Variants in CNGA3 observed in about 807,000 individuals in gnomAD.
The protein encoded by CNGA3 is cyclic nucleotide gated channel subunit alpha 3.
CNGA3 carries 42 observed loss-of-function variants against 46.6 expected under a neutral mutation model. The ratio of observed to expected loss-of-function variants is 0.90; its 90% CI spans 0.70 to 1.17. The LOEUF (loss-of-function observed/expected upper bound fraction) is 1.17, where lower values mean the gene tolerates loss of function less well. Ranked by LOEUF, CNGA3 falls within the 50% of genes most tolerant of loss-of-function variation. The probability of loss-of-function intolerance (pLI) is 0.00; values close to 1 mark genes in which losing one functional copy is unlikely to be tolerated. For missense variants in CNGA3, 893 were observed against 890.7 expected (o/e 1.00, Z -0.03); for synonymous variants, 394 against 369.4 (o/e 1.07, Z -0.76).
intron 1 of CNGA3, among the ~76,000 whole-genome samples, chr2:98,353,843 G>C (rs959165183): frequency 1.3e-5 from 2 of 152,188 alleles, no homozygotes; most frequent in Non-Finnish European, 2.9e-5. Flanking sequence ...CTGAGGGGGA[G>C]CATGCACATC....
At chr2:98,379,536 A>C (rs2104203599) in intron 3 of CNGA3, among the ~76,000 whole-genome samples, 1 of 152,248 alleles carries the variant, frequency 6.6e-6, no homozygotes, top group South Asian at 2.1e-4. Context: ...GTTGGAGCTC[A>C]CGGCAAGCTC....
intron 1 of CNGA3, among the ~76,000 whole-genome samples, chr2:98,348,854 GGCC>G (rs1691706112): frequency 6.6e-6 from 1 of 152,216 alleles, no homozygotes; most frequent in Non-Finnish European, 1.5e-5. Flanking sequence ...CCTACCAGGT[GGCC>G]TGCATTCCGG....
At chr2:98,365,303 A>C in intron 1 of CNGA3, among the ~76,000 whole-genome samples, 1 of 152,204 alleles carries the variant, frequency 6.6e-6, no homozygotes, top group East Asian at 1.9e-4. Context: ...TTAGCTGGGC[A>C]TGGTGGCATA....
At chr2:98,356,594 G>T (rs1691884899) in intron 1 of CNGA3, among the ~76,000 whole-genome samples, 1 of 152,190 alleles carries the variant, frequency 6.6e-6, no homozygotes, top group Non-Finnish European at 1.5e-5. Flanking sequence ...TGGACTTACA[G>T]TGCATCCATA....
rs143151855 is a variant in CNGA3 at position 98,396,748 on chromosome 2, G to C, written c.1578G>C (p.Lys526Asn). The change falls in exon 8 of 8, where the codon AAG becomes AAC. Residue 526 changes from lysine to asparagine, a missense_variant. Physicochemically the swap from Lys to Asn is moderately conservative, Grantham distance 94 (BLOSUM62 0). This residue lies in a region of CNGA3 where 548 missense variants were observed against 570.8 expected (regional missense o/e 0.96). Coordinates refer to ENST00000272602, the MANE Select transcript of CNGA3 (RefSeq NM_001298.3). The stretch of plus-strand genomic sequence containing the variant: ...AGATGTACATCATCAACGAGGGCAA[G>C]CTGGCCGTGGTGGCTGATGATGGGG... Reference protein sequence around the residue: ...GKEMYIINEGKLAVVADDGVT... With the variant: ...GKEMYIINEGNLAVVADDGVT... 8 of 1,614,100 alleles carry C rather than the reference G, an allele frequency of 5.0e-6. No individual in the cohort carries two copies. In the African/African-American group the frequency reaches 1.1e-4, roughly 22 times the overall value.
chr2:98,373,317 C>T (rs904893344), intron 2 of CNGA3, among the ~76,000 whole-genome samples: 4 of 152,228 alleles, frequency 2.6e-5, no homozygotes, highest in Non-Finnish European at 4.4e-5. Context: ...CAAGTCACAC[C>T]TCTTTGTCTT....
At chr2:98,380,438 T>C (rs1692512781) in intron 4 of CNGA3, 84 bp downstream of exon 4, 12 of 1,516,356 alleles carry the variant, frequency 7.9e-6, no homozygotes, top group African/African-American at 1.4e-5. Context: ...CCTGTTTGGA[T>C]GCAGCACAGG....
intron 7 of CNGA3, among the ~76,000 whole-genome samples, chr2:98,394,048 T>A (rs1692854639): frequency 6.6e-6 from 1 of 151,606 alleles, no homozygotes. Context: ...TAGCATCACC[T>A]GGAACTTGCT....
At chr2:98,349,136 C>T (rs1016609709) in intron 1 of CNGA3, among the ~76,000 whole-genome samples, 1 of 152,008 alleles carries the variant, frequency 6.6e-6, no homozygotes, top group African/African-American at 2.4e-5. Flanking sequence ...TTGGGGAGTC[C>T]TGCATCATGG....
chr2:98,365,858 G>A (rs1468696540), intron 1 of CNGA3, among the ~76,000 whole-genome samples: 1 of 152,162 alleles, frequency 6.6e-6, no homozygotes, highest in Non-Finnish European at 1.5e-5. Context: ...CTTTAGCTCA[G>A]CAAAGTTTGT....
intron 1 of CNGA3, among the ~76,000 whole-genome samples, chr2:98,357,655 G>T (rs1691915780): frequency 6.6e-6 from 1 of 152,168 alleles, no homozygotes; most frequent in Admixed American, 6.5e-5. Flanking sequence ...TAAGGGGGCT[G>T]GTGGCAGGGG....
At chr2:98,354,864 C>T (rs767587656) in intron 1 of CNGA3, among the ~76,000 whole-genome samples, 5 of 152,172 alleles carry the variant, frequency 3.3e-5, no homozygotes, top group Non-Finnish European at 7.4e-5. Context: ...CTTTGATACA[C>T]AAAGGCATTT....
intron 3 of CNGA3, 59 bp downstream of exon 3, chr2:98,377,859 T>A: frequency 6.7e-7 from 1 of 1,488,926 alleles, no homozygotes; most frequent in Non-Finnish European, 9.2e-7. Flanking sequence ...AGAAAGAAGG[T>A]AGTGACCTCT....
intron 1 of CNGA3, among the ~76,000 whole-genome samples, chr2:98,365,700 G>A (rs1016112628): frequency 1.3e-5 from 2 of 151,836 alleles, no homozygotes; most frequent in African/African-American, 4.8e-5. Flanking sequence ...GGTCTATTTG[G>A]CCATTGATAC....
At position 98,397,121 on chromosome 2, in the gene CNGA3, T is replaced by A. The variant is rs1692940288; in HGVS notation, c.1951T>A (p.Tyr651Asn). ...CAGGTTTGCACGCCTCCTGGCTGAG[T>A]ACAACGCCACCCAGATGAAGATGAA... ...QTRFARLLAE[Y>N]NATQMKMKQR... The change falls in exon 8 of 8, where the codon TAC becomes AAC. Residue 651 changes from tyrosine to asparagine, a missense_variant. By Grantham distance (143) the Tyr-to-Asn change is moderately radical (BLOSUM62 -2). Transcript: ENST00000272602. 6.2e-7 allele frequency: 1 copy of A among 1,613,898 alleles called. No individual in the cohort carries two copies. Among genetic ancestry groups the A allele is most frequent in the Admixed American group, 1.7e-5 (1 of 59,988 alleles).
intron 1 of CNGA3, among the ~76,000 whole-genome samples, chr2:98,364,398 A>G (rs748650489): frequency 5.9e-5 from 9 of 152,044 alleles, no homozygotes; most frequent in South Asian, 4.2e-4. Context: ...AAATAAATAA[A>G]TAAATAAAGT....
intron 1 of CNGA3, among the ~76,000 whole-genome samples, chr2:98,363,831 A>C (rs1271410025): frequency 1.3e-5 from 2 of 152,124 alleles, no homozygotes; most frequent in Non-Finnish European, 2.9e-5. Context: ...AGCTGACTTC[A>C]AGTCCTGAAT....
rs200361134 is a variant in CNGA3 at position 98,389,664 on chromosome 2, G to A, written c.456G>A (p.Lys152=). The change falls in exon 6 of 8, where the codon AAG becomes AAA. Residue 152 remains lysine, a synonymous_variant. Transcript: ENST00000272602. ...NTSNNTEEEK[K]TKKKDAIVVD... The stretch of plus-strand genomic sequence containing the variant: ...TGTATGTGTGGGTTTCCAGGAAGAA[G>A]ACGAAAAAGAAGGATGCGATCGTGG... 1 of 1,613,918 alleles carries A rather than the reference G, an allele frequency of 6.2e-7. No individual in the cohort carries two copies. The highest frequency in any genetic ancestry group is 2.2e-5 in the East Asian group (1 of 44,878).
rs866592362 is a variant in CNGA3 at position 98,367,177 on chromosome 2, T to C, written c.-37-2762T>C. Among the ~76,000 whole-genome samples, 487 of 96,838 alleles carry C rather than the reference T, an allele frequency of 5.0e-3. 6 individuals are homozygous for C. The highest frequency in any genetic ancestry group is 8.3e-3 in the Non-Finnish European group (333 of 40,092). 63.5% of individuals were successfully genotyped at this position (96,838 alleles called of 152,430 possible). A position where few individuals can be genotyped will look rare whatever the true frequency, so the allele number is the denominator to read the frequency against. ...CCTCTGACATCAGCTGTTTTTTTTCTTTTTTTTCTTTTTTTTTTTTTTTTA... is the reference window on the plus strand; with the variant it reads ...CCTCTGACATCAGCTGTTTTTTTTCCTTTTTTTCTTTTTTTTTTTTTTTTA... On this transcript the variant is annotated intron_variant, in intron 1 of 7. Coordinates refer to ENST00000272602, the MANE Select transcript of CNGA3 (RefSeq NM_001298.3).
Sources: gnomAD v4.1 joint callset for allele counts (sites outside exome capture counted in the v4.1 genomes callset) on GRCh38, gnomAD v4.1.1 for gene constraint, gnomAD v4.1.1 regional missense constraint, MANE v1.5 for transcripts, NCBI Gene and HGNC (gene_info 2026-07-23, HGNC 2026-07-21) for gene names.